Variants in MYOF observed in about 807,000 individuals in gnomAD.
MYOF encodes myoferlin, also known as fer-1-like 3, myoferlin.
Under a neutral mutation model 284.2 loss-of-function variants are expected in MYOF, and 244 were observed. The observed-to-expected ratio is 0.86, with a 90% CI of 0.77 to 0.95. The LOEUF (loss-of-function observed/expected upper bound fraction) is 0.95. MYOF is among the 40% of genes least tolerant of loss of function. The pLI is 0.00. For missense variants in MYOF, 2,496 were observed against 2,560.6 expected (o/e 0.97, Z 0.54); for synonymous variants, 904 against 919.7 (o/e 0.98, Z 0.31).
intron 37 of MYOF, 49 bp downstream of exon 37, chr10:93,347,568 A>AAAAAAAAGG (rs1554842528): frequency 1.7e-6 from 2 of 1,191,964 alleles, no homozygotes; most frequent in African/African-American, 2.6e-5. Flanking sequence ...CAAAAAAAAA[A>AAAAAAAAGG]AAAAAAAAAA....
chr10:93,321,156 G>A (rs1253225364), intron 48 of MYOF, among the ~76,000 whole-genome samples: 1 of 152,162 alleles, frequency 6.6e-6, no homozygotes. Flanking sequence ...GAGGTTCAGA[G>A]AGAATATATT....
intron 31 of MYOF, among the ~76,000 whole-genome samples, chr10:93,354,666 ACTCTCTCTCTCTCTCTCTCT>A (rs140255016): frequency 1.3e-4 from 16 of 119,316 alleles, no homozygotes; most frequent in Admixed American, 6.8e-4. Context: ...TCACACATTC[ACTCTCTCTCTCTCTCTCTCT>A]CTCTCTCTCT....
intron 36 of MYOF, 148 bp downstream of exon 36, chr10:93,349,660 G>A (rs949155230): frequency 5.4e-6 from 5 of 922,022 alleles, no homozygotes; most frequent in Admixed American, 6.0e-5. Context: ...AATTTAAGGG[G>A]AAAAAGTCAC....
At chr10:93,402,723 TAAG>T (rs908546873) in intron 10 of MYOF, 134 bp downstream of exon 10, 4 of 734,566 alleles carry the variant, frequency 5.4e-6, no homozygotes, top group Non-Finnish European at 8.7e-6. Flanking sequence ...TCTCCCTCAT[TAAG>T]AAAATATTTT....
At chr10:93,461,395 G>A (rs1052496494) in intron 1 of MYOF, among the ~76,000 whole-genome samples, 5 of 152,220 alleles carry the variant, frequency 3.3e-5, no homozygotes, top group Admixed American at 6.5e-5. Flanking sequence ...AGGGGGTCTA[G>A]TGGGGAGAGG....
intron 16 of MYOF, among the ~76,000 whole-genome samples, chr10:93,394,448 C>CTTT (rs33970988): frequency 0.01 from 287 of 28,692 alleles, 91 homozygotes; most frequent in Admixed American, 0.012. Context: ...ACCATCTTGT[C>CTTT]TTTTTTTTTT....
chr10:93,306,614 A>G lies in MYOF; in HGVS notation c.*349T>C, dbSNP rs1176721882. 1 of 251,126 alleles carries G rather than the reference A, an allele frequency of 4.0e-6. No individual in the cohort carries two copies. The highest frequency in any genetic ancestry group is 2.3e-5 in the African/African-American group (1 of 43,800). The allele number at this position is 251,126 out of a possible 1,614,324, so 15.6% of individuals were successfully genotyped here. A position where few individuals can be genotyped will look rare whatever the true frequency, so the allele number is the denominator to read the frequency against. On this transcript the variant is annotated 3_prime_UTR_variant, in exon 54 of 54. Coordinates refer to ENST00000359263, the MANE Select transcript of MYOF (RefSeq NM_013451.4). ...AAGTATATCACCTCAGGATGCAGAG[A>G]TTTTTGAATTCTATTTAGCAATTTC...
chr10:93,478,825 C>CAAAAA (rs796689657), intron 1 of MYOF, among the ~76,000 whole-genome samples: 5 of 103,594 alleles, frequency 4.8e-5, no homozygotes, highest in South Asian at 3.7e-4. Context: ...GAAACAGTCT[C>CAAAAA]AAAAAAAAAA....
At position 93,366,407 on chromosome 10, in the gene MYOF, A is replaced by G; in HGVS notation, c.2738T>C (p.Val913Ala). ...KGWEWEGEWI[V>A]DPERSLLTEA... ...GACAACTTACCTTCTTTCAGGATCA[A>G]CTATCCACTCTCCTTCCCATTCCCA... Residue 913 changes from valine to alanine, a missense_variant, in exon 26 of 54, where the codon GTT becomes GCT. Physicochemically the swap from Val to Ala is moderately conservative, Grantham distance 64 (BLOSUM62 0). Around this residue, in one of 3 missense-constraint regions of MYOF, gnomAD observed 2,436 missense variants for 2,480.7 expected, o/e 0.98. Transcript: ENST00000359263. 6.2e-7 allele frequency: 1 copy of G among 1,612,792 alleles called. No homozygotes were observed. The highest frequency in any genetic ancestry group is 1.3e-5 in the African/African-American group (1 of 74,952).
At chr10:93,307,174 C>T (rs907313603) in intron 53 of MYOF, among the ~76,000 whole-genome samples, 173 bp from the exon 54 acceptor site, 4 of 142,624 alleles carry the variant, frequency 2.8e-5, no homozygotes, top group East Asian at 3.9e-4. Context: ...CTCTACCCAC[C>T]GAGTGCCAGT....
chr10:93,364,888 A>G (rs1845256617), intron 26 of MYOF, among the ~76,000 whole-genome samples: 1 of 152,184 alleles, frequency 6.6e-6, no homozygotes, highest in Non-Finnish European at 1.5e-5. Flanking sequence ...ACTTATATGA[A>G]TTGGGCATCA....
At chr10:93,396,794 G>A (rs1037131580) in intron 15 of MYOF, among the ~76,000 whole-genome samples, 7 of 152,158 alleles carry the variant, frequency 4.6e-5, no homozygotes, top group Admixed American at 4.6e-4. Flanking sequence ...GCCAATCAGT[G>A]CTAGAAGGCT....
rs150897152 is a variant in MYOF, at chr10:93,374,950, G to A, written c.2114C>T (p.Thr705Met). Reference protein sequence around the residue: ...IDEVIEDTRYTLPLTEGKANV... With the variant: ...IDEVIEDTRYMLPLTEGKANV... The stretch of plus-strand genomic sequence containing the variant: ...GGCTTTTCCTTCTGTGAGAGGCAAC[G>A]TGTATCTAGAAAAATGAAGAAAAAA... Residue 705 changes from threonine to methionine, a missense_variant, in exon 23 of 54, where the codon ACG becomes ATG. By Grantham distance (81) the Thr-to-Met change is moderately conservative. Transcript: ENST00000359263. 7,644 of 1,608,804 alleles carry A rather than the reference G, an allele frequency of 4.8e-3. 25 individuals are homozygous for A. Among genetic ancestry groups the A allele is most frequent in the Non-Finnish European group, 5.9e-3 (7,007 of 1,178,514 alleles).
intron 43 of MYOF, among the ~76,000 whole-genome samples, chr10:93,332,226 AT>A (rs10657534): frequency 8.8e-5 from 13 of 147,756 alleles, no homozygotes; most frequent in Admixed American, 4.0e-4. Flanking sequence ...TCATTCTTTT[AT>A]TTTTTTTTTT....
At chr10:93,414,558 C>T (rs1189974251) in intron 5 of MYOF, among the ~76,000 whole-genome samples, 1 of 152,066 alleles carries the variant, frequency 6.6e-6, no homozygotes, top group South Asian at 2.1e-4. Context: ...AACAAACAAA[C>T]AAGAAACTAC....
At chr10:93,354,457 T>C (rs1176049445) in intron 31 of MYOF, among the ~76,000 whole-genome samples, 1 of 152,130 alleles carries the variant, frequency 6.6e-6, no homozygotes. Context: ...ATTACCTTTG[T>C]TATAAACTAA....
At chr10:93,421,987 C>A (rs1235759622) in intron 5 of MYOF, among the ~76,000 whole-genome samples, 2 of 151,010 alleles carry the variant, frequency 1.3e-5, no homozygotes, top group African/African-American at 4.9e-5. Context: ...GATTAGGAAG[C>A]CGACACACAG....
chr10:93,440,427 A>G (rs76920804), intron 3 of MYOF, among the ~76,000 whole-genome samples: 1 of 150,712 alleles, frequency 6.6e-6, no homozygotes, highest in South Asian at 2.1e-4. Context: ...AAAAACCCCC[A>G]AAACAAACCC....
chr10:93,424,745 G>A (rs763728227), intron 5 of MYOF, among the ~76,000 whole-genome samples: 3 of 152,004 alleles, frequency 2.0e-5, no homozygotes, highest in Non-Finnish European at 4.4e-5. Flanking sequence ...AGGTCAGGCT[G>A]AGCAAGATGA....
Sources: allele counts gnomAD v4.1 joint callset (sites outside exome capture counted in the v4.1 genomes callset), GRCh38; gene constraint gnomAD v4.1.1; regional missense constraint gnomAD v4.1.1; transcripts MANE v1.5; gene names NCBI Gene and HGNC (gene_info 2026-07-23, HGNC 2026-07-21).